Variants in ATG7 observed in about 807,000 individuals in gnomAD.
The protein encoded by ATG7 is autophagy related 7.
A neutral mutation model predicts 82.4 loss-of-function variants in ATG7; 70 were observed. The ratio of observed to expected loss-of-function variants is 0.85; its 90% CI spans 0.70 to 1.04. The LOEUF (loss-of-function observed/expected upper bound fraction) is 1.04, where lower values mean the gene tolerates loss of function less well. ATG7 is among the 50% of genes least tolerant of loss of function. The pLI, the probability that ATG7 is intolerant of heterozygous loss-of-function variation, is 0.00. For synonymous variants in ATG7, 287 were observed against 313.0 expected (o/e 0.92, Z 0.88); for missense variants, 792 against 864.3 (o/e 0.92, Z 1.05).
intron 7 of ATG7, 46 bp from the exon 8 acceptor site, chr3:11,313,258 A>G: frequency 2.3e-6 from 3 of 1,299,880 alleles, no homozygotes; most frequent in Non-Finnish European, 3.2e-6. Flanking sequence ...TTTCACCTTA[A>G]GTTAATGGTG....
intron 20 of ATG7, among the ~76,000 whole-genome samples, chr3:11,522,570 G>A (rs761617196): frequency 6.6e-6 from 1 of 152,108 alleles, no homozygotes; most frequent in Non-Finnish European, 1.5e-5. Flanking sequence ...GTAAGAAGCT[G>A]GACAGAGCTG....
intron 7 of ATG7, among the ~76,000 whole-genome samples, chr3:11,312,571 C>T (rs1948835895): frequency 6.6e-6 from 1 of 152,206 alleles, no homozygotes; most frequent in Non-Finnish European, 1.5e-5. Flanking sequence ...TCTGCTCTGT[C>T]CACAAAGTGA....
intron 20 of ATG7, among the ~76,000 whole-genome samples, chr3:11,494,640 G>T (rs547042311): frequency 2.6e-5 from 4 of 152,310 alleles, no homozygotes; most frequent in Non-Finnish European, 5.9e-5. Context: ...TTAAGCTGTT[G>T]AGCAGAGCAG....
intron 14 of ATG7, among the ~76,000 whole-genome samples, chr3:11,351,063 C>T (rs1226364090): frequency 6.6e-6 from 1 of 151,404 alleles, no homozygotes; most frequent in African/African-American, 2.4e-5. Context: ...TTTGTTTACT[C>T]AAATCCTAGT....
intron 14 of ATG7, among the ~76,000 whole-genome samples, chr3:11,350,762 C>T (rs2075473176): frequency 6.6e-6 from 1 of 151,692 alleles, no homozygotes. Flanking sequence ...TATAATATTA[C>T]TAGAGGGAGG....
At chr3:11,534,568 A>C (rs908615495) in intron 20 of ATG7, among the ~76,000 whole-genome samples, 1 of 152,220 alleles carries the variant, frequency 6.6e-6, no homozygotes. Context: ...CCGGGTGGCT[A>C]CGTGCCGCCA....
chr3:11,557,715 C>T (rs1411824367), downstream of ATG7: 1 of 152,670 alleles, frequency 6.6e-6, no homozygotes, highest in Admixed American at 6.5e-5. Flanking sequence ...TTAATAGAAA[C>T]CAGCTATTTT....
chr3:11,567,668 G>A, the ATG7 span, among the ~76,000 whole-genome samples: 2 of 152,282 alleles, frequency 1.3e-5, no homozygotes, highest in Non-Finnish European at 2.9e-5. Context: ...CCCAGACACC[G>A]ATGTCACCAG....
chr3:11,491,769 G>A (rs114677455), intron 20 of ATG7, among the ~76,000 whole-genome samples: 1,742 of 152,274 alleles, frequency 0.011, 31 homozygotes, highest in African/African-American at 0.039. Flanking sequence ...TACTAGCAGC[G>A]GTGTCTGCAG....
rs79670324 is a variant in ATG7 at position 11,372,542 on chromosome 3, A to G, written c.1876-7430A>G. ...AAGTGTATACACTCACATAACTATCACTTCCACAAATGAGATACAGAATTT... is the reference window on the plus strand; with the variant it reads ...AAGTGTATACACTCACATAACTATCGCTTCCACAAATGAGATACAGAATTT... On this transcript the variant is annotated intron_variant, in intron 18 of 20. Coordinates refer to ENST00000693202, the MANE Select transcript of ATG7 (RefSeq NM_001349232.2). Among the ~76,000 whole-genome samples the G allele has an allele frequency of 7.0e-4, 106 of 151,126 alleles. 2 individuals are homozygous for G. The highest frequency in any genetic ancestry group is 1.2e-3 in the Non-Finnish European group (78 of 67,796).
At chr3:11,357,972 G>GCC (rs1354282635) in intron 14 of ATG7, among the ~76,000 whole-genome samples, 2 of 149,808 alleles carry the variant, frequency 1.3e-5, no homozygotes, top group African/African-American at 4.9e-5. Context: ...TTGTGCTAGT[G>GCC]CCCTCTAGCC....
chr3:11,351,095 A>G (rs577485859), intron 14 of ATG7, among the ~76,000 whole-genome samples: 15 of 152,126 alleles, frequency 9.9e-5, no homozygotes, highest in Non-Finnish European at 2.2e-4. Flanking sequence ...ACCCAATACA[A>G]TTCCCCCTTC....
At chr3:11,402,996 A>G (rs2079981877) in intron 19 of ATG7, among the ~76,000 whole-genome samples, 1 of 152,218 alleles carries the variant, frequency 6.6e-6, no homozygotes, top group Non-Finnish European at 1.5e-5. Context: ...ATTCTCTTAA[A>G]TGCTTAAAGT....
chr3:11,362,243 C>T (rs1369631528), intron 16 of ATG7, among the ~76,000 whole-genome samples: 1 of 151,970 alleles, frequency 6.6e-6, no homozygotes, highest in African/African-American at 2.4e-5. Context: ...CCAGCAAAGG[C>T]TTGTGCTTAG....
chr3:11,465,445 A>AG (rs2086735213), intron 20 of ATG7, among the ~76,000 whole-genome samples: 1 of 64,334 alleles, frequency 1.6e-5, no homozygotes, highest in Non-Finnish European at 2.5e-5. Flanking sequence ...ACTCTGTCTC[A>AG]AAAAAAAAAA....
At chr3:11,468,361 T>C (rs907676247) in intron 20 of ATG7, among the ~76,000 whole-genome samples, 4 of 152,234 alleles carry the variant, frequency 2.6e-5, no homozygotes, top group South Asian at 2.1e-4. Flanking sequence ...GAAGAACTGA[T>C]GGCTTTTTCC....
At chr3:11,479,019 C>CAA (rs2088609625) in intron 20 of ATG7, among the ~76,000 whole-genome samples, 1 of 151,518 alleles carries the variant, frequency 6.6e-6, no homozygotes, top group South Asian at 2.1e-4. Context: ...CACACACACA[C>CAA]ACACACACAC....
downstream of ATG7, chr3:11,558,347 T>C: frequency 1.3e-6 from 1 of 749,480 alleles, no homozygotes; most frequent in Non-Finnish European, 2.1e-6. Context: ...CCACGCGTAG[T>C]TCCTGCTATC....
At chr3:11,304,022 C>T (rs897457154) in intron 5 of ATG7, among the ~76,000 whole-genome samples, 1 of 151,646 alleles carries the variant, frequency 6.6e-6, no homozygotes, top group African/African-American at 2.4e-5. Flanking sequence ...ACCTGGGAGG[C>T]GGAGCTTGCA....
Sources: gnomAD v4.1 joint callset for allele counts (sites outside exome capture counted in the v4.1 genomes callset) on GRCh38, gnomAD v4.1.1 for gene constraint, MANE v1.5 for transcripts, NCBI Gene and HGNC (gene_info 2026-07-23, HGNC 2026-07-21) for gene names.